Variants in WDR86 observed in about 807,000 individuals in gnomAD.
The protein encoded by WDR86 is WD repeat-containing protein 86.
A neutral mutation model predicts 36.5 loss-of-function variants in WDR86; 30 were observed. That is an observed-to-expected ratio of 0.82 (90% CI 0.61 to 1.11). WDR86 has a LOEUF of 1.11. Among genes scored for constraint, WDR86 ranks in the 50% most tolerant of loss-of-function variants. The probability of loss-of-function intolerance (pLI) is 0.00; values close to 1 mark genes in which losing one functional copy is unlikely to be tolerated. For synonymous variants in WDR86, 255 were observed against 252.9 expected, an observed-to-expected ratio of 1.01 and a Z score of -0.08; for missense variants, 545 against 561.2, an observed-to-expected ratio of 0.97 and a Z score of 0.29.
downstream of WDR86, among the ~76,000 whole-genome samples, chr7:151,375,020 G>A (rs1281546878): frequency 1.1e-4 from 16 of 151,358 alleles, no homozygotes; most frequent in African/African-American, 3.2e-4. Context: ...TGCTGGGGGC[G>A]GGGCTGGGGG....
intron 3 of WDR86, among the ~76,000 whole-genome samples, chr7:151,389,027 T>C (rs907031192): frequency 6.6e-6 from 1 of 152,174 alleles, no homozygotes; most frequent in Non-Finnish European, 1.5e-5. Context: ...AGACCTTGGA[T>C]TTCCCAGCCT....
intron 3 of WDR86, among the ~76,000 whole-genome samples, chr7:151,392,185 C>T (rs889794596): frequency 1.9e-4 from 29 of 152,260 alleles, no homozygotes; most frequent in African/African-American, 7.0e-4. Context: ...CTGATCGGGG[C>T]CCCCAGCCTA....
chr7:151,386,430 T>A (rs1161393922), intron 3 of WDR86, among the ~76,000 whole-genome samples: 3 of 152,162 alleles, frequency 2.0e-5, no homozygotes, highest in African/African-American at 7.2e-5. Flanking sequence ...AGGCTGCAGG[T>A]GCTTCCTGTG....
chr7:151,377,298 C>A, downstream of WDR86: 1 of 1,002,418 alleles, frequency 1.0e-6, no homozygotes. Context: ...GCAGCTCTTT[C>A]TGTTCTTACT....
exon 2 of WDR86, chr7:151,376,059 C>A: frequency 1.4e-6 from 1 of 729,130 alleles, no homozygotes; most frequent in Non-Finnish European, 2.5e-6. Context: ...CCTTGGCTCC[C>A]AGGCTCCAGG....
chr7:151,402,091 A>ATATATC (rs1365492180), intron 1 of WDR86, among the ~76,000 whole-genome samples: 1 of 124,200 alleles, frequency 8.1e-6, no homozygotes, highest in East Asian at 2.2e-4. Context: ...ATATATATAT[A>ATATATC]TCTCCACAAA....
At position 151,406,624 on chromosome 7, in the gene WDR86, C is replaced by T. The variant is rs1800723379; in HGVS notation, c.163+2803G>A. On this transcript the variant is annotated intron_variant, in intron 1 of 5. Transcript: ENST00000334493. This position sits in a 1 kb window ranked among gnomAD's most constrained non-coding sequence, Gnocchi z 4.4. ...AGTGGTAAGAGAAGCACCGTACAGT[C>T]TTCAGAAACCCTCTCTGCCATGGAC... Among the ~76,000 whole-genome samples the T allele has an allele frequency of 6.6e-6, 1 of 152,210 alleles. No individual in the cohort carries two copies.
rs1459337840 is a variant in WDR86, at chr7:151,386,647, C to T, written c.727-1424G>A. 2.0e-5 allele frequency among the ~76,000 whole-genome samples: 3 copies of T among 152,206 alleles called. No individual in the cohort carries two copies. In the East Asian group the frequency reaches 5.8e-4, roughly 29 times the overall value. The stretch of plus-strand genomic sequence containing the variant: ...GCACCACCCAGGAGCACAGTTCCTG[C>T]CAGTAATGCGGGCACCAGCAGGAAG... On this transcript the variant is annotated intron_variant, in intron 3 of 5. Coordinates refer to ENST00000334493, the MANE Select transcript of WDR86 (RefSeq NM_198285.3).
At chr7:151,402,070 A>AAAAATATATATATATATATATATATAT in intron 1 of WDR86, among the ~76,000 whole-genome samples, 1 of 50,558 alleles carries the variant, frequency 2.0e-5, no homozygotes. Context: ...AAAAAAAAAA[A>AAAAATATATATATATATATATATATAT]ATATATATAT....
intron 1 of WDR86, among the ~76,000 whole-genome samples, chr7:151,404,398 C>T (rs368069612): frequency 3.9e-5 from 6 of 152,196 alleles, no homozygotes; most frequent in Non-Finnish European, 5.9e-5. Context: ...TCTGAACACA[C>T]GCCCAAGTGA....
chr7:151,377,234 C>CAGAAAT, downstream of WDR86: 1 of 1,507,914 alleles, frequency 6.6e-7, no homozygotes, highest in Non-Finnish European at 8.9e-7. Flanking sequence ...AAATAATGAA[C>CAGAAAT]AGAAATAGCG....
At chr7:151,384,349 T>G (rs1798819816) in intron 4 of WDR86, among the ~76,000 whole-genome samples, 1 of 152,228 alleles carries the variant, frequency 6.6e-6, no homozygotes. Flanking sequence ...CTCTATCTCT[T>G]GCAGACAGAA....
rs921571476 is a variant in WDR86, at chr7:151,409,498, A to T, written c.92T>A (p.Leu31Gln). The change falls in exon 1 of 6, where the codon CTG becomes CAG. Residue 31 changes from leucine to glutamine, a missense_variant. Leu to Gln is a moderately radical substitution (Grantham distance 113). Coordinates refer to ENST00000334493, the MANE Select transcript of WDR86 (RefSeq NM_198285.3). This position sits in a 1 kb window ranked among gnomAD's most constrained non-coding sequence, Gnocchi z 5.2. ...GGCCGTGCCGTCCTCGCTGCCCGTC[A>T]GCAGGCGCTGCCCGTCGGGGCTCAG... is the stretch of plus-strand genomic sequence containing the variant. Reference protein sequence around the residue: ...LSLSPDGQRLLTGSEDGTARL... With the variant: ...LSLSPDGQRLQTGSEDGTARL... 1.2e-5 allele frequency: 18 copies of T among 1,533,538 alleles called. No individual in the cohort carries two copies. The highest frequency in any genetic ancestry group is 4.1e-5 in the African/African-American group (3 of 72,916). 95.0% of individuals were successfully genotyped at this position (1,533,538 alleles called of 1,614,324 possible).
intron 1 of WDR86, chr7:151,408,886 C>G: frequency 2.1e-6 from 1 of 470,306 alleles, no homozygotes; most frequent in Non-Finnish European, 4.4e-6. Context: ...GGGCGAATTA[C>G]TTAACTCCCA....
chr7:151,376,311 T>C, downstream of WDR86: 1 of 478,744 alleles, frequency 2.1e-6, no homozygotes, highest in South Asian at 2.5e-5. Context: ...TTTGTGCCCC[T>C]ACACGCGTTA....
At chr7:151,382,977 GC>G (rs1407481203) in intron 4 of WDR86, among the ~76,000 whole-genome samples, 9 of 149,732 alleles carry the variant, frequency 6.0e-5, no homozygotes, top group African/African-American at 2.0e-4. Context: ...TTGTTCCCCA[GC>G]CTTTTTTTTT....
Position 151,405,475 on chromosome 7 carries a change from A to G in WDR86, c.163+3952T>C, listed in dbSNP as rs1369389877. 6.6e-6 allele frequency among the ~76,000 whole-genome samples: 1 copy of G among 152,094 alleles called. No individual in the cohort carries two copies. The highest frequency in any genetic ancestry group is 1.5e-5 in the Non-Finnish European group (1 of 68,002). Reference sequence around the variant, plus strand: ...CTGCATTTTGCAGTGTCCCTTTATTAAACTCTCCTGGTAGAACCCAGTTTC... The same window carrying G: ...CTGCATTTTGCAGTGTCCCTTTATTGAACTCTCCTGGTAGAACCCAGTTTC... On this transcript the variant is annotated intron_variant, in intron 1 of 5. Transcript: ENST00000334493. This position sits in a 1 kb window ranked among gnomAD's most constrained non-coding sequence, Gnocchi z 4.7.
intron 2 of WDR86, among the ~76,000 whole-genome samples, chr7:151,399,148 C>T (rs963323928): frequency 6.6e-6 from 1 of 152,188 alleles, no homozygotes; most frequent in Non-Finnish European, 1.5e-5. Flanking sequence ...CTAAAAAGTC[C>T]CCGCATCCCT....
At chr7:151,383,413 G>C (rs1384471465) in intron 4 of WDR86, among the ~76,000 whole-genome samples, 3 of 151,286 alleles carry the variant, frequency 2.0e-5, no homozygotes, top group African/African-American at 7.3e-5. Flanking sequence ...AGTGGAGGTG[G>C]CAGTGAGCCT....
Sources: allele counts gnomAD v4.1 joint callset (sites outside exome capture counted in the v4.1 genomes callset), GRCh38; gene constraint gnomAD v4.1.1; non-coding constraint Gnocchi (gnomAD v3.1); transcripts MANE v1.5; gene names NCBI Gene and HGNC (gene_info 2026-07-23, HGNC 2026-07-21).